Variants in PPM1H observed in about 807,000 individuals in gnomAD.
PPM1H encodes protein phosphatase 1H.
PPM1H carries 27 observed loss-of-function variants against 54.9 expected under a neutral mutation model. The observed-to-expected ratio is 0.49, with a 90% CI of 0.36 to 0.68. The LOEUF is 0.68. Among genes scored for constraint, PPM1H ranks in the 30% least tolerant of loss-of-function variants. The probability of loss-of-function intolerance (pLI) is 0.00; values close to 1 mark genes in which losing one functional copy is unlikely to be tolerated. For synonymous variants in PPM1H, 305 were observed against 270.8 expected (o/e 1.13, Z -1.24); for missense variants, 596 against 667.8 (o/e 0.89, Z 1.19).
intron 6 of PPM1H, among the ~76,000 whole-genome samples, chr12:62,719,144 C>A: frequency 6.6e-6 from 1 of 152,122 alleles, no homozygotes; most frequent in South Asian, 2.1e-4. Context: ...AACCAGAAGC[C>A]CCTTGGCCTC....
At chr12:62,688,163 T>C (rs1162404118) in intron 8 of PPM1H, among the ~76,000 whole-genome samples, 2 of 152,196 alleles carry the variant, frequency 1.3e-5, no homozygotes, top group Non-Finnish European at 2.9e-5. Flanking sequence ...TAGAAGGTCA[T>C]GTAACACAGT....
At chr12:62,656,831 T>C (rs766047022) in intron 9 of PPM1H, among the ~76,000 whole-genome samples, 3 of 152,036 alleles carry the variant, frequency 2.0e-5, no homozygotes, top group Non-Finnish European at 4.4e-5. Flanking sequence ...CAGGGGTCTA[T>C]GGCAGTGGCG....
intron 4 of PPM1H, among the ~76,000 whole-genome samples, chr12:62,764,662 C>T (rs2076530629): frequency 6.6e-6 from 1 of 152,086 alleles, no homozygotes; most frequent in Non-Finnish European, 1.5e-5. Context: ...AGGCACTGTA[C>T]TAGGCACTGG....
Position 62,720,309 on chromosome 12 carries a change from G to GAAAA in PPM1H, c.955-24_955-21dup. On this transcript the variant is annotated intron_variant, in intron 5 of 9. Transcript: ENST00000228705. ...GAATGCCTAATAGCAAAAAGAAAAA[G>GAAAA]AAAAAACACACACATACACGTATTT... is the stretch of plus-strand genomic sequence containing the variant. 2.6e-6 allele frequency: 4 copies of GAAAA among 1,535,794 alleles called. No homozygotes were observed. The highest frequency in any genetic ancestry group is 3.6e-6 in the Non-Finnish European group (4 of 1,111,954).
At chr12:62,871,281 T>G (rs1312130132) in intron 1 of PPM1H, among the ~76,000 whole-genome samples, 3 of 129,004 alleles carry the variant, frequency 2.3e-5, no homozygotes, top group African/African-American at 7.7e-5. Flanking sequence ...TGAAAGAAGC[T>G]AGACAAAAAA....
chr12:62,706,139 T>C (rs890403708), intron 6 of PPM1H, among the ~76,000 whole-genome samples: 2 of 152,228 alleles, frequency 1.3e-5, no homozygotes, highest in Non-Finnish European at 2.9e-5. Flanking sequence ...CATTACACGG[T>C]GCAGATCTCA....
In PPM1H at chr12:62,755,945, G is replaced by A. The variant is rs959179136; in HGVS notation, c.870-18359C>T. ...GGCCTTCTGTGTCCCTACTGCCAAT[G>A]TGTCAGTTGTGGGCCTGAACTGCTG... On this transcript the variant is annotated intron_variant, in intron 4 of 9. Transcript: ENST00000228705. The A allele has an allele frequency of 1.5e-4, 126 of 856,796 alleles. 1 individual carries two copies. In the Admixed American group the frequency reaches 2.3e-3, roughly 16 times the overall value. The allele number at this position is 856,796 out of a possible 1,614,324, so 53.1% of individuals were successfully genotyped here. A position where few individuals can be genotyped will look rare whatever the true frequency, so the allele number is the denominator to read the frequency against.
chr12:62,899,004 T>A (rs1183709349), intron 1 of PPM1H, among the ~76,000 whole-genome samples: 1 of 152,180 alleles, frequency 6.6e-6, no homozygotes, highest in Non-Finnish European at 1.5e-5. Flanking sequence ...TTGATCACTC[T>A]TAGGGATAAA....
At chr12:62,873,762 G>A (rs994668339) in intron 1 of PPM1H, among the ~76,000 whole-genome samples, 1 of 152,146 alleles carries the variant, frequency 6.6e-6, no homozygotes, top group African/African-American at 2.4e-5. Flanking sequence ...AAATAAAAAC[G>A]GTCTTTAGCC....
intron 8 of PPM1H, among the ~76,000 whole-genome samples, chr12:62,669,180 A>T (rs1477611110): frequency 2.0e-5 from 3 of 152,246 alleles, no homozygotes; most frequent in Non-Finnish European, 4.4e-5. Context: ...AAATTAAAGA[A>T]AACATGAAAG....
intron 9 of PPM1H, among the ~76,000 whole-genome samples, chr12:62,654,509 C>T (rs986675512): frequency 7.2e-5 from 11 of 152,204 alleles, no homozygotes; most frequent in African/African-American, 2.7e-4. Context: ...CAAATCATGC[C>T]AATGTATAAA....
intron 2 of PPM1H, among the ~76,000 whole-genome samples, chr12:62,809,745 C>G (rs1429346821): frequency 6.6e-6 from 1 of 152,208 alleles, no homozygotes; most frequent in Non-Finnish European, 1.5e-5. Context: ...TAGATGCTGA[C>G]ATGTCTTACA....
At chr12:62,922,206 C>T (rs1041755811) in intron 1 of PPM1H, among the ~76,000 whole-genome samples, 1 of 152,244 alleles carries the variant, frequency 6.6e-6, no homozygotes, top group East Asian at 1.9e-4. Context: ...TAAATGTATC[C>T]TTTTATACAA....
At chr12:62,684,699 C>T (rs1281296263) in intron 8 of PPM1H, among the ~76,000 whole-genome samples, 2 of 152,006 alleles carry the variant, frequency 1.3e-5, no homozygotes, top group Non-Finnish European at 2.9e-5. Context: ...AAGATCCACG[C>T]CTGGCAAAGA....
At chr12:62,918,019 T>C (rs543256625) in intron 1 of PPM1H, among the ~76,000 whole-genome samples, 87 of 152,344 alleles carry the variant, frequency 5.7e-4, no homozygotes, top group Non-Finnish European at 9.0e-4. Flanking sequence ...TATACAAATA[T>C]CCCACTGAAA....
intron 9 of PPM1H, among the ~76,000 whole-genome samples, chr12:62,657,802 T>C (rs1400709140): frequency 6.6e-6 from 1 of 152,172 alleles, no homozygotes; most frequent in Non-Finnish European, 1.5e-5. Flanking sequence ...ACGCCTGTTG[T>C]CAGTGTTGGT....
At chr12:62,735,810 C>A (rs67693036) in intron 5 of PPM1H, among the ~76,000 whole-genome samples, 1 of 152,150 alleles carries the variant, frequency 6.6e-6, no homozygotes, top group Non-Finnish European at 1.5e-5. Flanking sequence ...AAGAGGAGTT[C>A]TCCTAACAGA....
intron 9 of PPM1H, among the ~76,000 whole-genome samples, chr12:62,649,942 T>C (rs1208664885): frequency 6.6e-6 from 1 of 152,198 alleles, no homozygotes; most frequent in Non-Finnish European, 1.5e-5. Context: ...TGTCACCGTA[T>C]AAGTCCTCTT....
chr12:62,756,312 C>T (rs1410146341), intron 4 of PPM1H: 3 of 551,920 alleles, frequency 5.4e-6, no homozygotes, highest in Non-Finnish European at 1.0e-5. Context: ...CTGCCATACT[C>T]AGTCCCCCAC....
Sources: gnomAD v4.1 joint callset for allele counts (sites outside exome capture counted in the v4.1 genomes callset) on GRCh38, gnomAD v4.1.1 for gene constraint, MANE v1.5 for transcripts, NCBI Gene and HGNC (gene_info 2026-07-23, HGNC 2026-07-21) for gene names.